Variants in KDM4C observed in about 807,000 individuals in gnomAD.
KDM4C encodes lysine demethylase 4C.
A neutral mutation model predicts 129.3 loss-of-function variants in KDM4C; 81 were observed. The observed-to-expected ratio is 0.63, with a 90% CI of 0.52 to 0.75. KDM4C has a LOEUF of 0.75. Ranked by LOEUF, KDM4C falls within the 30% of genes least tolerant of loss-of-function variation. The pLI, the probability that KDM4C is intolerant of heterozygous loss-of-function variation, is 0.00. For missense variants in KDM4C, 1,457 were observed against 1,304.0 expected, an observed-to-expected ratio of 1.12 and a Z score of -1.81; for synonymous variants, 573 against 456.1, an observed-to-expected ratio of 1.26 and a Z score of -3.26.
At chr9:6,787,686 G>A (rs943917057) in intron 1 of KDM4C, among the ~76,000 whole-genome samples, 1 of 152,180 alleles carries the variant, frequency 6.6e-6, no homozygotes, top group African/African-American at 2.4e-5. Flanking sequence ...ACTTGCCTGG[G>A]TTAGTGTAAA....
intron 1 of KDM4C, among the ~76,000 whole-genome samples, chr9:6,752,396 C>T (rs1165441462): frequency 1.6e-4 from 18 of 114,980 alleles, no homozygotes; most frequent in Non-Finnish European, 2.3e-4. Flanking sequence ...AAATTGGTAA[C>T]GTTCTCAAAA....
chr9:6,857,441 T>C (rs1191758820), intron 5 of KDM4C, among the ~76,000 whole-genome samples: 4 of 152,214 alleles, frequency 2.6e-5, no homozygotes, highest in South Asian at 2.1e-4. Flanking sequence ...AAAATATTTA[T>C]TGATCAAGTG....
chr9:6,901,220 G>C (rs569117995), intron 8 of KDM4C, among the ~76,000 whole-genome samples: 1 of 152,118 alleles, frequency 6.6e-6, no homozygotes, highest in Non-Finnish European at 1.5e-5. Context: ...TGGTGGGAGA[G>C]TCAGCAGGGC....
chr9:6,753,813 A>C (rs1818151879), upstream of KDM4C, among the ~76,000 whole-genome samples: 1 of 151,834 alleles, frequency 6.6e-6, no homozygotes, highest in Non-Finnish European at 1.5e-5. Flanking sequence ...AGTAACATAC[A>C]TATTTGATAA....
chr9:6,899,875 C>T (rs1374189349), intron 8 of KDM4C, among the ~76,000 whole-genome samples: 3 of 152,132 alleles, frequency 2.0e-5, no homozygotes, highest in African/African-American at 2.4e-5. Flanking sequence ...CCTCATGATG[C>T]TGATGTTTAG....
chr9:7,062,365 A>G (rs974272139), intron 17 of KDM4C, among the ~76,000 whole-genome samples: 2 of 151,038 alleles, frequency 1.3e-5, no homozygotes, highest in African/African-American at 4.9e-5. Flanking sequence ...AATTTTCTTT[A>G]CTTTGTGTTT....
chr9:6,989,060 C>G lies in KDM4C; in HGVS notation c.1678-1356C>G, dbSNP rs143527428. On this transcript the variant is annotated intron_variant, in intron 11 of 21. Coordinates refer to ENST00000381309, the MANE Select transcript of KDM4C (RefSeq NM_015061.6). Reference sequence around the variant, plus strand: ...TTTCCTGCTATAGCTCCAGCTATGACAACGGTATGGTGCATAGTAGTGTGT... The same window carrying G: ...TTTCCTGCTATAGCTCCAGCTATGAGAACGGTATGGTGCATAGTAGTGTGT... Among the ~76,000 whole-genome samples the G allele has an allele frequency of 2.6e-4, 39 of 152,332 alleles. No homozygotes were observed. The East Asian group carries it at 5.4e-3, about 21-fold the overall frequency.
intron 5 of KDM4C, among the ~76,000 whole-genome samples, chr9:6,852,594 G>T (rs1839054104): frequency 6.6e-6 from 1 of 152,196 alleles, no homozygotes; most frequent in Admixed American, 6.5e-5. Context: ...TTGTTGAGCT[G>T]TATCTCCCCT....
intron 19 of KDM4C, among the ~76,000 whole-genome samples, chr9:7,155,988 G>A (rs931705481): frequency 6.6e-5 from 10 of 152,164 alleles, no homozygotes; most frequent in Non-Finnish European, 1.0e-4. Context: ...GTGTAAAAGC[G>A]TTCCTATTTC....
intron 17 of KDM4C, among the ~76,000 whole-genome samples, chr9:7,102,942 A>G (rs977382346): frequency 6.6e-6 from 1 of 152,192 alleles, no homozygotes. Flanking sequence ...AAATGTACTG[A>G]TAATGTTTAG....
chr9:7,115,370 T>G (rs1295942664), intron 18 of KDM4C, among the ~76,000 whole-genome samples: 3 of 152,144 alleles, frequency 2.0e-5, no homozygotes, highest in African/African-American at 4.8e-5. Context: ...TCTGATAGCT[T>G]GTTAAGAAAA....
chr9:6,981,129 C>G lies in KDM4C; in HGVS notation c.1115+11C>G, dbSNP rs780369999. ...AAAAGCATCCCGAAGGTAATGACCC[C>G]TCACCCCACTGACCTGCCTTGCCTG... is the stretch of plus-strand genomic sequence containing the variant. On this transcript the variant is annotated intron_variant, in intron 9 of 21. Coordinates refer to ENST00000381309, the MANE Select transcript of KDM4C (RefSeq NM_015061.6). The G allele has an allele frequency of 1.2e-6, 2 of 1,600,582 alleles. No homozygotes were observed. Among genetic ancestry groups the G allele is most frequent in the African/African-American group, 2.7e-5 (2 of 74,132 alleles).
At chr9:7,001,253 A>G (rs1563962294) in intron 12 of KDM4C, among the ~76,000 whole-genome samples, 1 of 152,232 alleles carries the variant, frequency 6.6e-6, no homozygotes, top group Non-Finnish European at 1.5e-5. Flanking sequence ...TTTGTTTTAC[A>G]GAGATTTTTG....
At chr9:6,998,543 C>T (rs1025027652) in intron 12 of KDM4C, among the ~76,000 whole-genome samples, 1 of 152,172 alleles carries the variant, frequency 6.6e-6, no homozygotes, top group Non-Finnish European at 1.5e-5. Context: ...CGCCTGTAAT[C>T]CCAGCACTTT....
At chr9:6,754,537 G>T (rs1422314282), upstream of KDM4C, among the ~76,000 whole-genome samples, 1 of 152,130 alleles carries the variant, frequency 6.6e-6, no homozygotes, top group East Asian at 1.9e-4. Context: ...TGTAAAAAGT[G>T]TAGTGTACTT....
chr9:7,087,872 C>G (rs1835321595), intron 17 of KDM4C, among the ~76,000 whole-genome samples: 1 of 152,194 alleles, frequency 6.6e-6, no homozygotes. Flanking sequence ...TTTGTGTCCA[C>G]TTAAAATTGT....
intron 8 of KDM4C, among the ~76,000 whole-genome samples, chr9:6,931,193 C>G (rs551983221): frequency 3.3e-5 from 5 of 151,658 alleles, no homozygotes; most frequent in Admixed American, 3.3e-4. Flanking sequence ...TTGCTGGATA[C>G]TCCCCTTGTT....
intron 5 of KDM4C, among the ~76,000 whole-genome samples, chr9:6,873,986 A>T (rs1166411130): frequency 6.6e-6 from 1 of 151,062 alleles, no homozygotes; most frequent in Non-Finnish European, 1.5e-5. Context: ...CAGCTAGCCG[A>T]CGGAGCAGTC....
intron 12 of KDM4C, among the ~76,000 whole-genome samples, chr9:6,993,714 A>G (rs1235386009): frequency 6.6e-6 from 1 of 152,174 alleles, no homozygotes; most frequent in Non-Finnish European, 1.5e-5. Context: ...ACTAGATGTG[A>G]TGAACCCACT....
Sources: gnomAD v4.1 joint callset for allele counts (sites outside exome capture counted in the v4.1 genomes callset) on GRCh38, gnomAD v4.1.1 for gene constraint, MANE v1.5 for transcripts, NCBI Gene and HGNC (gene_info 2026-07-23, HGNC 2026-07-21) for gene names.